Variants in CBFA2T3 observed in about 807,000 individuals in gnomAD.
The protein encoded by CBFA2T3 is transcriptional corepressor CBFA2T3.
A neutral mutation model predicts 58.6 loss-of-function variants in CBFA2T3; 31 were observed. The observed-to-expected ratio is 0.53, with a 90% CI of 0.40 to 0.71. The LOEUF is 0.71. CBFA2T3 is among the 30% of genes least tolerant of loss of function. CBFA2T3 has a pLI of 0.00. For missense variants in CBFA2T3, 1,076 were observed against 963.1 expected (o/e 1.12, Z -1.55); for synonymous variants, 531 against 421.9 (o/e 1.26, Z -3.17).
intron 1 of CBFA2T3, among the ~76,000 whole-genome samples, chr16:88,904,234 C>A (rs1970215302): frequency 6.6e-6 from 1 of 152,118 alleles, no homozygotes; most frequent in Non-Finnish European, 1.5e-5. Context: ...GGAGGCTGTC[C>A]CTTTACTTCA....
At chr16:88,893,645 A>T (rs545198972) in intron 3 of CBFA2T3, among the ~76,000 whole-genome samples, 1 of 152,188 alleles carries the variant, frequency 6.6e-6, no homozygotes, top group Non-Finnish European at 1.5e-5. Context: ...GGAACAGCTG[A>T]TGAGCGCGCT....
chr16:88,913,918 G>A (rs771135032), intron 1 of CBFA2T3, among the ~76,000 whole-genome samples: 19 of 152,128 alleles, frequency 1.2e-4, no homozygotes, highest in African/African-American at 2.2e-4. Flanking sequence ...TGGAATAGCC[G>A]GCTCACTCCT....
intron 1 of CBFA2T3, among the ~76,000 whole-genome samples, chr16:88,943,950 G>T (rs1268510422): frequency 9.9e-5 from 15 of 152,190 alleles, no homozygotes; most frequent in Non-Finnish European, 2.2e-4. Flanking sequence ...GGGCTCGGGA[G>T]GGGGCAGAGC....
In CBFA2T3 at chr16:88,875,989, C is replaced by G. The variant is rs754486873; in HGVS notation, c.*987G>C. On this transcript the variant is annotated 3_prime_UTR_variant, in exon 12 of 12. Transcript: ENST00000268679. Reference sequence around the variant, plus strand: ...AGAACAAAAGTCGCTTCTAACTGGGCACAAACCCTCTGCACCCAAATATCC... The same window carrying G: ...AGAACAAAAGTCGCTTCTAACTGGGGACAAACCCTCTGCACCCAAATATCC... 1.3e-5 allele frequency: 3 copies of G among 233,034 alleles called. No homozygotes were observed. The highest frequency in any genetic ancestry group is 1.7e-5 in the Non-Finnish European group (2 of 117,840). The allele number at this position is 233,034 out of a possible 1,614,324, so 14.4% of individuals were successfully genotyped here. A position where few individuals can be genotyped will look rare whatever the true frequency, so the allele number is the denominator to read the frequency against.
chr16:88,881,535 C>A (rs370799116), intron 8 of CBFA2T3, 46 bp from the exon 9 acceptor site: 10 of 1,556,800 alleles, frequency 6.4e-6, no homozygotes, highest in Non-Finnish European at 8.7e-6. Flanking sequence ...GGGACCGGGA[C>A]GCACCAGACA....
chr16:88,956,053 C>T (rs1458930134), intron 1 of CBFA2T3, among the ~76,000 whole-genome samples: 1 of 152,268 alleles, frequency 6.6e-6, no homozygotes, highest in Non-Finnish European at 1.5e-5. Flanking sequence ...CCCGACCCTG[C>T]CCAGGGCTGC....
intron 8 of CBFA2T3, among the ~76,000 whole-genome samples, 184 bp downstream of exon 8, chr16:88,882,492 C>G (rs1254397283): frequency 7.7e-6 from 1 of 130,696 alleles, no homozygotes; most frequent in East Asian, 2.2e-4. Flanking sequence ...TGTGACTGCA[C>G]GGGCGTGGCT....
chr16:88,963,684 G>A (rs1000497044), intron 1 of CBFA2T3, among the ~76,000 whole-genome samples: 2 of 152,238 alleles, frequency 1.3e-5, no homozygotes, highest in African/African-American at 2.4e-5. Flanking sequence ...CTGAAGCACC[G>A]CGCTGCAGTG....
intron 1 of CBFA2T3, among the ~76,000 whole-genome samples, chr16:88,967,200 A>C (rs12325110): frequency 4.4e-3 from 373 of 85,542 alleles, no homozygotes; most frequent in Middle Eastern, 0.011. Context: ...CCCCGACACG[A>C]GGCAGCGCCA....
intron 1 of CBFA2T3, among the ~76,000 whole-genome samples, chr16:88,914,205 T>C (rs1405181867): frequency 1.3e-5 from 2 of 152,200 alleles, no homozygotes; most frequent in Non-Finnish European, 2.9e-5. Flanking sequence ...AGAGTCCGTT[T>C]CTAGAAAATT....
intron 1 of CBFA2T3, among the ~76,000 whole-genome samples, chr16:88,909,577 A>ATGG (rs1361147679): frequency 9.2e-5 from 14 of 152,136 alleles, no homozygotes; most frequent in Middle Eastern, 3.4e-3. Flanking sequence ...GGTGACCATC[A>ATGG]CGGCGGCTGG....
chr16:88,876,178 G>C lies in CBFA2T3; in HGVS notation c.*798C>G, dbSNP rs982160602. 5.2e-5 allele frequency: 12 copies of C among 232,070 alleles called. No individual in the cohort carries two copies. Among genetic ancestry groups the C allele is most frequent in the African/African-American group, 2.7e-4 (12 of 45,224 alleles). The allele number at this position is 232,070 out of a possible 1,614,324, so 14.4% of individuals were successfully genotyped here. On this transcript the variant is annotated 3_prime_UTR_variant, in exon 12 of 12. Transcript: ENST00000268679. ...TGGATTTCCTTTGGAGCAGAGGTGT[G>C]TCCGGTATCCTTGGCTGGCTAGCTA... is the stretch of plus-strand genomic sequence containing the variant.
rs571623864 is a variant in CBFA2T3 at position 88,953,659 on chromosome 16, T to C, written c.151+22998A>G. Among the ~76,000 whole-genome samples the C allele has an allele frequency of 3.5e-4, 53 of 152,292 alleles. No individual in the cohort carries two copies. Among genetic ancestry groups the C allele is most frequent in the Admixed American group, 3.3e-4 (5 of 15,302 alleles). ...GTGAGGTGTCTGCTCCCAGGCTGTG[T>C]GTGGCTTGGATGCCAAAGCGCCTTT... is the stretch of plus-strand genomic sequence containing the variant. On this transcript the variant is annotated intron_variant, in intron 1 of 11. Coordinates refer to ENST00000268679, the MANE Select transcript of CBFA2T3 (RefSeq NM_005187.6). This position sits in a 1 kb window ranked among gnomAD's most constrained non-coding sequence, Gnocchi z 4.9.
In CBFA2T3 at chr16:88,881,316, G is replaced by T; in HGVS notation, c.1377C>A (p.Ser459=). 2 of 1,589,862 alleles carry T rather than the reference G, an allele frequency of 1.3e-6. No homozygotes were observed. The highest frequency in any genetic ancestry group is 8.6e-7 in the Non-Finnish European group (1 of 1,169,162). The change falls in exon 9 of 12, where the codon TCC becomes TCA. Residue 459 remains serine (S), a synonymous_variant. Transcript: ENST00000268679. The part of the protein sequence containing the change: ...APAAARPRSS[S]AGPEGPQLDV... Reference sequence around the variant, plus strand: ...CTAGCTGAGGCCCTTCGGGACCGGCGGAGCTGCTGCGGGGCCGGGCCGCGG... The same window carrying T: ...CTAGCTGAGGCCCTTCGGGACCGGCTGAGCTGCTGCGGGGCCGGGCCGCGG...
intron 1 of CBFA2T3, among the ~76,000 whole-genome samples, chr16:88,975,939 G>A (rs1401471353): frequency 6.6e-5 from 10 of 152,372 alleles, no homozygotes; most frequent in South Asian, 4.1e-4. Flanking sequence ...AGGTTCCGAC[G>A]GCTGCTGGGA....
chr16:88,880,711 C>A lies in CBFA2T3; in HGVS notation c.1471+9G>T. The A allele has an allele frequency of 6.4e-7, 1 of 1,560,618 alleles. No homozygotes were observed. Among genetic ancestry groups the A allele is most frequent in the Non-Finnish European group, 8.7e-7 (1 of 1,152,020 alleles). ...GCTCTGCTGGCCAGGCCCCTGCACCCCCACTCACCAGCCTTCCTCCAGATG... is the reference window on the plus strand; with the variant it reads ...GCTCTGCTGGCCAGGCCCCTGCACCACCACTCACCAGCCTTCCTCCAGATG... On this transcript the variant is annotated intron_variant, in intron 10 of 11. Transcript: ENST00000268679.
intron 1 of CBFA2T3, among the ~76,000 whole-genome samples, chr16:88,952,662 C>G (rs1317153706): frequency 6.6e-6 from 1 of 152,182 alleles, no homozygotes; most frequent in Non-Finnish European, 1.5e-5. Flanking sequence ...TGCCCACAAA[C>G]TCCTCTTAGC....
chr16:88,886,818 CAA>C (rs1202864127), intron 5 of CBFA2T3: 1 of 152,358 alleles, frequency 6.6e-6, no homozygotes, highest in Non-Finnish European at 1.5e-5. Context: ...AGGACGGCCT[CAA>C]GACCCACGTG....
chr16:88,932,912 T>C (rs985294671), intron 1 of CBFA2T3, among the ~76,000 whole-genome samples: 15 of 150,184 alleles, frequency 1.0e-4, no homozygotes, highest in African/African-American at 3.2e-4. Context: ...GAGGTTGCTG[T>C]GAGCTGAGAT....
Sources: gnomAD v4.1 joint callset for allele counts (sites outside exome capture counted in the v4.1 genomes callset) on GRCh38, gnomAD v4.1.1 for gene constraint, Gnocchi (gnomAD v3.1) non-coding constraint, MANE v1.5 for transcripts, NCBI Gene and HGNC (gene_info 2026-07-23, HGNC 2026-07-21) for gene names.